RRP1B: variants seen among roughly 807,000 people sequenced by gnomAD.
The protein encoded by RRP1B is ribosomal RNA processing protein 1 homolog B.
In RRP1B, 56 loss-of-function variants were observed where a neutral mutation model predicts 80.2. The observed-to-expected ratio is 0.70, with a 90% confidence interval of 0.56 to 0.87. The LOEUF is 0.87. Among genes scored for constraint, RRP1B ranks in the 40% least tolerant of loss-of-function variants. RRP1B has a pLI of 0.00. For missense variants in RRP1B, 807 were observed against 939.8 expected, an observed-to-expected ratio of 0.86 and a Z score of 1.85; for synonymous variants, 351 against 357.6, an observed-to-expected ratio of 0.98 and a Z score of 0.21.
rs1236531948 is a variant in RRP1B at position 43,686,965 on chromosome 21, G to A, written c.1141+30G>A. The A allele has an allele frequency of 5.0e-6, 8 of 1,607,354 alleles. No individual in the cohort carries two copies. In the East Asian group the frequency reaches 6.7e-5, roughly 13 times the overall value. ...GCTGTAAAGCTAAAAAGAAGGGCAC[G>A]ACTCAGCCCTTGGGGAGCGGCATGC... is the stretch of plus-strand genomic sequence containing the variant. On this transcript the variant is annotated intron_variant, in intron 12 of 15. Transcript: ENST00000340648.
chr21:43,667,959 G>A (rs1568954749), intron 1 of RRP1B, among the ~76,000 whole-genome samples: 1 of 152,204 alleles, frequency 6.6e-6, no homozygotes, highest in Non-Finnish European at 1.5e-5. Context: ...AGTATTCCCA[G>A]CACTTTGGGA....
rs555092963 is a variant in RRP1B, at chr21:43,688,693, A to G, written c.1866+453A>G. ...CTTTTCTTTTCTTAGCTTCCCCCCT[A>G]CCCCCCAGCTCAAGAAACTTCACTA... is the stretch of plus-strand genomic sequence containing the variant. On this transcript the variant is annotated intron_variant, in intron 13 of 15. Transcript: ENST00000340648. Among the ~76,000 whole-genome samples the G allele has an allele frequency of 2.2e-4, 33 of 151,390 alleles. No homozygotes were observed. The South Asian group carries it at 6.9e-3, about 32-fold the overall frequency.
At chr21:43,690,230 A>G in intron 13 of RRP1B, 58 bp from the exon 14 acceptor site, 1 of 1,579,462 alleles carries the variant, frequency 6.3e-7, no homozygotes. Context: ...GTGTGTGGGC[A>G]GCACAGGAGG....
At chr21:43,664,625 G>GA (rs2082971188) in intron 1 of RRP1B, among the ~76,000 whole-genome samples, 1 of 152,242 alleles carries the variant, frequency 6.6e-6, no homozygotes. Flanking sequence ...CTAGAAAAGA[G>GA]ACAATCAGAG....
chr21:43,667,704 G>A lies in RRP1B; in HGVS notation c.131-2180G>A, dbSNP rs372073936. ...AAAAAAAGTTACTGCAATCATGACCGCAGTTGGCTCAGCTCTAGTGGGGTT... is the reference window on the plus strand; with the variant it reads ...AAAAAAAGTTACTGCAATCATGACCACAGTTGGCTCAGCTCTAGTGGGGTT... On this transcript the variant is annotated intron_variant, in intron 1 of 15. Transcript: ENST00000340648. Among the ~76,000 whole-genome samples the A allele has an allele frequency of 1.2e-4, 18 of 152,260 alleles. No homozygotes were observed. The East Asian group carries it at 1.9e-3, about 16-fold the overall frequency.
At chr21:43,688,690 C>T (rs775716340) in intron 13 of RRP1B, among the ~76,000 whole-genome samples, 5 of 152,188 alleles carry the variant, frequency 3.3e-5, no homozygotes, top group Non-Finnish European at 5.9e-5. Context: ...TAGCTTCCCC[C>T]CTACCCCCCA....
At chr21:43,672,482 C>T in intron 3 of RRP1B, 117 bp downstream of exon 3, 1 of 847,498 alleles carries the variant, frequency 1.2e-6, no homozygotes, top group Admixed American at 1.9e-5. Flanking sequence ...TTTTTAAAAG[C>T]TGTGATAAAC....
At chr21:43,688,336 C>T (rs1450577347) in intron 13 of RRP1B, 96 bp downstream of exon 13, 4 of 1,403,188 alleles carry the variant, frequency 2.9e-6, no homozygotes, top group Admixed American at 2.8e-5. Flanking sequence ...TGGGGGCTGG[C>T]GGCCAGGCCT....
rs2082937752 is a variant in RRP1B, at chr21:43,659,581, G to C, written c.-84G>C. The C allele has an allele frequency of 8.0e-7, 1 of 1,255,480 alleles. No homozygotes were observed. The highest frequency in any genetic ancestry group is 1.0e-6 in the Non-Finnish European group (1 of 1,000,244). The allele number at this position is 1,255,480 out of a possible 1,614,324, so 77.8% of individuals were successfully genotyped here. A position where few individuals can be genotyped will look rare whatever the true frequency, so the allele number is the denominator to read the frequency against. ...CCTTCTGTGCAGTCGCGGCCCGGGC[G>C]GACGGTGGCTGGCTGCTCCGCAGCG... On this transcript the variant is annotated 5_prime_UTR_variant, in exon 1 of 16. Transcript: ENST00000340648. This position sits in a 1 kb window ranked among gnomAD's most constrained non-coding sequence, Gnocchi z 4.2.
chr21:43,671,731 C>T (rs529598586), intron 2 of RRP1B, among the ~76,000 whole-genome samples: 1 of 151,742 alleles, frequency 6.6e-6, no homozygotes, highest in African/African-American at 2.4e-5. Context: ...GCTCTGTCAC[C>T]CAGGCTGGAG....
intron 8 of RRP1B, among the ~76,000 whole-genome samples, chr21:43,678,425 C>T (rs1206900636): frequency 6.6e-6 from 1 of 152,160 alleles, no homozygotes; most frequent in East Asian, 1.9e-4. Context: ...TCCCAAAGTG[C>T]AGGGATTACA....
chr21:43,676,617 G>A (rs756707648), intron 7 of RRP1B, 116 bp from the exon 8 acceptor site: 46 of 970,956 alleles, frequency 4.7e-5, no homozygotes, highest in South Asian at 3.6e-4. Flanking sequence ...TTGCTGGCCC[G>A]TGGGGGCCAC....
At chr21:43,674,795 C>T (rs191336007) in intron 5 of RRP1B, 98 bp downstream of exon 5, 8 of 1,137,806 alleles carry the variant, frequency 7.0e-6, no homozygotes, top group African/African-American at 6.3e-5. Context: ...ATGAGAAGCT[C>T]GATACATCGT....
rs184680153 is a variant in RRP1B, at chr21:43,681,679, C to T, written c.797-1600C>T. 4.6e-5 allele frequency among the ~76,000 whole-genome samples: 7 copies of T among 152,334 alleles called. No individual in the cohort carries two copies. The East Asian group carries it at 9.6e-4, about 21-fold the overall frequency. On this transcript the variant is annotated intron_variant, in intron 8 of 15. Transcript: ENST00000340648. ...AAAGAAAAAATACTCTGGCCAGGCA[C>T]GGTGGCTCACACCTGTAATCCCATC...
intron 9 of RRP1B, 35 bp downstream of exon 9, chr21:43,683,408 AT>A: frequency 6.4e-7 from 1 of 1,555,714 alleles, no homozygotes; most frequent in Non-Finnish European, 8.9e-7. Flanking sequence ...TAGAATATAG[AT>A]TTGCTGTGGA....
intron 5 of RRP1B, 132 bp downstream of exon 5, chr21:43,674,829 G>A (rs2083015163): frequency 1.9e-6 from 2 of 1,037,658 alleles, no homozygotes; most frequent in Non-Finnish European, 2.9e-6. Flanking sequence ...TTGAAATCCA[G>A]TAGAAGGCAT....
rs34380943 is a variant in RRP1B, at chr21:43,691,637, ATTTT to A, written c.2083+148_2083+151del. 1.6e-4 allele frequency: 74 copies of A among 453,912 alleles called. No homozygotes were observed. Among genetic ancestry groups the A allele is most frequent in the Non-Finnish European group, 2.3e-4 (60 of 255,930 alleles). The allele number at this position is 453,912 out of a possible 1,614,324, so 28.1% of individuals were successfully genotyped here. A position where few individuals can be genotyped will look rare whatever the true frequency, so the allele number is the denominator to read the frequency against. On this transcript the variant is annotated intron_variant, in intron 15 of 15. Coordinates refer to ENST00000340648, the MANE Select transcript of RRP1B (RefSeq NM_015056.3). This position sits in a 1 kb window ranked among gnomAD's most constrained non-coding sequence, Gnocchi z 4.2. ...CCTCACTGCCCATTTCTTTATTTTT[ATTTT>A]TTTTTTTTTTTTGAGACAGAGTCTC...
chr21:43,685,075 C>T (rs1353742948), intron 10 of RRP1B, among the ~76,000 whole-genome samples: 1 of 152,104 alleles, frequency 6.6e-6, no homozygotes, highest in African/African-American at 2.4e-5. Flanking sequence ...TCACTCTGAC[C>T]ATAGTGACAT....
Position 43,688,220 on chromosome 21 carries a change from G to A in RRP1B, c.1846G>A (p.Ala616Thr). 3 of 1,563,744 alleles carry A rather than the reference G, an allele frequency of 1.9e-6. No homozygotes were observed. The highest frequency in any genetic ancestry group is 2.6e-6 in the Non-Finnish European group (3 of 1,152,898). ...VEHNGVLESE[A>T]GQPQALGSSG... is the part of the protein sequence containing the mutation. ...GCACAACGGGGTGCTGGAGTCCGAA[G>A]CTGGGCAACCCCAGGCTCTGGTAAG... Residue 616 changes from alanine to threonine, a missense_variant, in exon 13 of 16, where the codon GCT becomes ACT. Transcript: ENST00000340648.
Sources: allele counts gnomAD v4.1 joint callset (sites outside exome capture counted in the v4.1 genomes callset), GRCh38; gene constraint gnomAD v4.1.1; non-coding constraint Gnocchi (gnomAD v3.1); transcripts MANE v1.5; gene names NCBI Gene and HGNC (gene_info 2026-07-23, HGNC 2026-07-21).